The following DAB1 variants were observed in gnomAD, a reference collection of about 807,000 sequenced individuals.
DAB1 encodes the protein DAB adaptor protein 1.
DAB1 carries 15 observed loss-of-function variants against 64.6 expected under a neutral mutation model. The observed-to-expected ratio is 0.23, with a 90% CI of 0.16 to 0.36. The LOEUF (loss-of-function observed/expected upper bound fraction) is 0.36, where lower values mean the gene tolerates loss of function less well. Ranked by LOEUF, DAB1 falls within the 10% of genes least tolerant of loss-of-function variation. The pLI is 1.00. For missense variants in DAB1, 596 were observed against 706.7 expected, an observed-to-expected ratio of 0.84 and a Z score of 1.78; for synonymous variants, 235 against 251.9, an observed-to-expected ratio of 0.93 and a Z score of 0.64.
At chr1:57,002,809 A>G (rs1329973181) in intron 14 of DAB1, among the ~76,000 whole-genome samples, 1 of 152,222 alleles carries the variant, frequency 6.6e-6, no homozygotes, top group Admixed American at 6.5e-5. Flanking sequence ...CACATTTAGC[A>G]GCCCTAGGAT....
intron 4 of DAB1, among the ~76,000 whole-genome samples, chr1:58,297,089 A>G (rs1662011889): frequency 6.6e-6 from 1 of 152,098 alleles, no homozygotes; most frequent in Non-Finnish European, 1.5e-5. Context: ...CTTCTCAACA[A>G]CCTTGCAAGG....
At chr1:57,150,410 A>G (rs1024754495) in intron 2 of DAB1, among the ~76,000 whole-genome samples, 4 of 152,150 alleles carry the variant, frequency 2.6e-5, no homozygotes, top group Non-Finnish European at 5.9e-5. Context: ...GGTTACCCTA[A>G]TTAATTATAT....
At chr1:57,203,083 G>A (rs1026641378) in intron 2 of DAB1, among the ~76,000 whole-genome samples, 1 of 152,162 alleles carries the variant, frequency 6.6e-6, no homozygotes, top group African/African-American at 2.4e-5. Flanking sequence ...GGGGTATAAA[G>A]CACAGATGAT....
intron 1 of DAB1, chr1:57,387,320 A>C (rs1681949559): frequency 6.6e-6 from 1 of 152,254 alleles, no homozygotes; most frequent in African/African-American, 2.4e-5. Context: ...GGAGAAGGTT[A>C]ATGTCAACAT....
intron 3 of DAB1, among the ~76,000 whole-genome samples, chr1:58,360,438 C>T (rs1211790102): frequency 1.3e-5 from 2 of 152,144 alleles, no homozygotes; most frequent in African/African-American, 4.8e-5. Flanking sequence ...CTTAGGGACA[C>T]ATTACATTGA....
At chr1:58,171,153 T>C (rs1392273150) in intron 4 of DAB1, among the ~76,000 whole-genome samples, 4 of 152,190 alleles carry the variant, frequency 2.6e-5, no homozygotes, top group Non-Finnish European at 5.9e-5. Flanking sequence ...ATTATCTACA[T>C]GAATATGGGG....
At chr1:58,189,215 G>A (rs1657253322) in intron 4 of DAB1, among the ~76,000 whole-genome samples, 1 of 152,310 alleles carries the variant, frequency 6.6e-6, no homozygotes, top group South Asian at 2.1e-4. Context: ...TCAACTCTGT[G>A]AATGTTACTG....
rs72907190 is a variant in DAB1, at chr1:57,118,163, T to C, written c.306+18380A>G. ...TATTTTATCCATTTCACAAGATTAG[T>C]CTAATTGCAAAACAGCTGGAGGAGA... On this transcript the variant is annotated intron_variant, in intron 4 of 14. Transcript: ENST00000371236. 5.7e-3 allele frequency among the ~76,000 whole-genome samples: 873 copies of C among 152,280 alleles called. 8 individuals are homozygous for C. The highest frequency in any genetic ancestry group is 0.018 in the African/African-American group (764 of 41,558).
chr1:57,614,097 C>G (rs957258080), intron 7 of DAB1, among the ~76,000 whole-genome samples: 2 of 152,100 alleles, frequency 1.3e-5, no homozygotes, highest in African/African-American at 4.8e-5. Flanking sequence ...ATGTGCCCAT[C>G]GAAAGGGGCA....
intron 2 of DAB1, among the ~76,000 whole-genome samples, chr1:57,238,318 G>A (rs1199257531): frequency 6.6e-6 from 1 of 152,214 alleles, no homozygotes. Context: ...CCAGCTTAGA[G>A]GAATGTAGCA....
intron 4 of DAB1, among the ~76,000 whole-genome samples, chr1:58,282,707 T>C (rs1569599361): frequency 6.6e-6 from 1 of 151,980 alleles, no homozygotes; most frequent in African/African-American, 2.4e-5. Context: ...AAGTTGCCAC[T>C]CTGCCCACTG....
At chr1:58,518,243 AGGGGAGAGGGGAGAGGGG>A in intron 2 of DAB1, among the ~76,000 whole-genome samples, 1 of 7,318 alleles carries the variant, frequency 1.4e-4, no homozygotes, top group African/African-American at 1.0e-3. Context: ...GAGAGGGGAG[AGGGGAGAGGGGAGAGGGG>A]AGAGGAGAGA....
intron 5 of DAB1, among the ~76,000 whole-genome samples, chr1:57,999,401 G>T (rs938432455): frequency 4.6e-5 from 7 of 152,162 alleles, no homozygotes; most frequent in African/African-American, 1.4e-4. Context: ...ATCTCCAGGG[G>T]TAGGATCAGC....
At chr1:57,791,310 CT>C (rs1650587468) in intron 6 of DAB1, among the ~76,000 whole-genome samples, 1 of 152,190 alleles carries the variant, frequency 6.6e-6, no homozygotes, top group African/African-American at 2.4e-5. Flanking sequence ...GAGATACATA[CT>C]ATGATCCTTT....
intron 1 of DAB1, among the ~76,000 whole-genome samples, chr1:57,353,103 AT>A (rs1272661072): frequency 5.7e-5 from 7 of 123,306 alleles, no homozygotes. Flanking sequence ...ATATATATAT[AT>A]TTTTTTCCAT....
intron 1 of DAB1, among the ~76,000 whole-genome samples, chr1:57,836,775 C>T (rs1260477617): frequency 1.3e-5 from 2 of 152,254 alleles, no homozygotes; most frequent in Admixed American, 6.5e-5. Flanking sequence ...CAGAGCCTTC[C>T]ACACCTTTCT....
At chr1:57,553,456 G>GAAAGAA (rs1644945864) in intron 7 of DAB1, among the ~76,000 whole-genome samples, 2 of 132,920 alleles carry the variant, frequency 1.5e-5, no homozygotes, top group East Asian at 2.2e-4. Context: ...AAGAAAGAAA[G>GAAAGAA]AAAGAGAAAG....
At chr1:57,902,006 T>G (rs1488954411) in intron 5 of DAB1, among the ~76,000 whole-genome samples, 1 of 151,752 alleles carries the variant, frequency 6.6e-6, no homozygotes, top group Non-Finnish European at 1.5e-5. Flanking sequence ...AAAAACAAAA[T>G]TAGCTGGGCA....
chr1:58,423,155 T>TTGTCCATATAAAGCCTGA (rs1644788816), intron 3 of DAB1, among the ~76,000 whole-genome samples: 1 of 152,168 alleles, frequency 6.6e-6, no homozygotes, highest in Non-Finnish European at 1.5e-5. Flanking sequence ...CCCTATCTGG[T>TTGTCCATATAAAGCCTGA]TGTCCATATA....
Sources: gnomAD v4.1 joint callset for allele counts (sites outside exome capture counted in the v4.1 genomes callset) on GRCh38, gnomAD v4.1.1 for gene constraint, MANE v1.5 for transcripts, NCBI Gene and HGNC (gene_info 2026-07-23, HGNC 2026-07-21) for gene names.